MAP3K7CL: variants seen among roughly 807,000 people sequenced by gnomAD.
MAP3K7CL encodes MAP3K7 C-terminal-like protein.
In MAP3K7CL, 16 loss-of-function variants were observed where a neutral mutation model predicts 18.6. The observed-to-expected ratio is 0.86, with a 90% confidence interval of 0.58 to 1.31. MAP3K7CL has a LOEUF of 1.31. MAP3K7CL is among the 50% of genes most tolerant of loss of function. The probability of loss-of-function intolerance (pLI) is 0.00; values close to 1 mark genes in which losing one functional copy is unlikely to be tolerated. For synonymous variants in MAP3K7CL, 65 were observed against 66.8 expected (o/e 0.97, Z 0.13); for missense variants, 163 against 174.4 (o/e 0.93, Z 0.37).
intron 3 of MAP3K7CL, among the ~76,000 whole-genome samples, chr21:29,149,883 CA>C (rs2087229434): frequency 6.6e-6 from 1 of 152,102 alleles, no homozygotes; most frequent in African/African-American, 2.4e-5. Context: ...TGATTCCAGG[CA>C]AAAATGGCTT....
Position 29,093,948 on chromosome 21 carries a change from T to C in MAP3K7CL, c.370+1367T>C, listed in dbSNP as rs142148455. Reference sequence around the variant, plus strand: ...ATTACTGTGGGGAGCAAATGACTTATATGTGAAAGTGCTTTGTAAACTGTA... The same window carrying C: ...ATTACTGTGGGGAGCAAATGACTTACATGTGAAAGTGCTTTGTAAACTGTA... On this transcript the variant is annotated intron_variant, in intron 4 of 6. Coordinates refer to the MAP3K7CL transcript ENST00000286791. Among the ~76,000 whole-genome samples the C allele has an allele frequency of 7.3e-3, 1,115 of 152,366 alleles. 12 individuals are homozygous for C. The highest frequency in any genetic ancestry group is 0.025 in the African/African-American group (1,052 of 41,590).
At chr21:29,123,845 TTA>T (rs1282469295) in intron 4 of MAP3K7CL, among the ~76,000 whole-genome samples, 1 of 152,146 alleles carries the variant, frequency 6.6e-6, no homozygotes, top group Non-Finnish European at 1.5e-5. Context: ...GATGAGAAAT[TTA>T]TGTTTTCCTT....
At chr21:29,157,778 A>C (rs1056911084) in intron 3 of MAP3K7CL, among the ~76,000 whole-genome samples, 1 of 152,224 alleles carries the variant, frequency 6.6e-6, no homozygotes, top group Non-Finnish European at 1.5e-5. Flanking sequence ...AAAAATCATT[A>C]CAGGTGGTAA....
Position 29,160,064 on chromosome 21 carries a change from C to G in MAP3K7CL, c.248+8C>G. ...CCTGCTTGAGCAAAGGAAGTAAGTA[C>G]CTACCCCCCTCACTCTACATCTGAG... On this transcript the variant is annotated splice_region_variant and intron_variant, in intron 4 of 4. Transcript: ENST00000399928. 1 of 1,603,336 alleles carries G rather than the reference C, an allele frequency of 6.2e-7. No individual in the cohort carries two copies. The highest frequency in any genetic ancestry group is 1.1e-5 in the South Asian group (1 of 90,864).
intron 1 of MAP3K7CL, among the ~76,000 whole-genome samples, chr21:29,089,007 T>C (rs2085973310): frequency 6.6e-6 from 1 of 151,692 alleles, no homozygotes; most frequent in Non-Finnish European, 1.5e-5. Context: ...CCGTCTCTAC[T>C]AAAAATACAA....
At chr21:29,089,019 A>T (rs1188131812) in intron 1 of MAP3K7CL, among the ~76,000 whole-genome samples, 1 of 151,874 alleles carries the variant, frequency 6.6e-6, no homozygotes, top group Non-Finnish European at 1.5e-5. Context: ...AAAATACAAA[A>T]ATTAGCCAGA....
At chr21:29,146,184 G>GCT (rs1409924765) in intron 2 of MAP3K7CL, among the ~76,000 whole-genome samples, 2 of 152,100 alleles carry the variant, frequency 1.3e-5, no homozygotes, top group African/African-American at 4.8e-5. Context: ...TGTCTCAGCT[G>GCT]CTCTCATACT....
chr21:29,106,244 C>T (rs1324980732), intron 4 of MAP3K7CL, among the ~76,000 whole-genome samples: 1 of 151,986 alleles, frequency 6.6e-6, no homozygotes, highest in African/African-American at 2.4e-5. Context: ...TGGAGTACAG[C>T]GGCATGATCT....
In MAP3K7CL at chr21:29,091,179, C is replaced by A. The variant is rs376071388; in HGVS notation, c.58-322C>A. Among the ~76,000 whole-genome samples, 42 of 152,210 alleles carry A rather than the reference C, an allele frequency of 2.8e-4. No individual in the cohort carries two copies. In the East Asian group the frequency reaches 8.1e-3, roughly 29 times the overall value. ...CATCTATATACATTCCTTTTTCATT[C>A]ACAATTTCTCCATCCCTAACCAAAC... On this transcript the variant is annotated intron_variant, in intron 1 of 6. Coordinates refer to the MAP3K7CL transcript ENST00000286791.
chr21:29,168,974 G>A (rs2087757422), intron 4 of MAP3K7CL, among the ~76,000 whole-genome samples: 1 of 152,148 alleles, frequency 6.6e-6, no homozygotes, highest in African/African-American at 2.4e-5. Context: ...GATTGATAGT[G>A]GGAATCTCCA....
upstream of MAP3K7CL, among the ~76,000 whole-genome samples, chr21:29,082,088 A>G (rs1433449362): frequency 1.3e-5 from 2 of 152,188 alleles, no homozygotes; most frequent in South Asian, 2.1e-4. Context: ...TTTGTTTTAT[A>G]ATATAATATT....
At chr21:29,082,162 T>G (rs939120920), upstream of MAP3K7CL, among the ~76,000 whole-genome samples, 3 of 152,224 alleles carry the variant, frequency 2.0e-5, no homozygotes, top group Admixed American at 6.5e-5. Context: ...ATAAGTATTC[T>G]CTACTAATAT....
upstream of MAP3K7CL, chr21:29,127,914 T>C (rs1253061756): frequency 6.6e-6 from 1 of 152,254 alleles, no homozygotes; most frequent in Non-Finnish European, 1.5e-5. Context: ...TGTCTCTTTC[T>C]ATCTCTGTAT....
chr21:29,151,715 G>A (rs1449999386), intron 3 of MAP3K7CL, among the ~76,000 whole-genome samples: 1 of 152,076 alleles, frequency 6.6e-6, no homozygotes. Context: ...CTTTTTTTGT[G>A]TTGGAACAAC....
chr21:29,098,287 A>T (rs940443699), intron 4 of MAP3K7CL, among the ~76,000 whole-genome samples: 1 of 152,146 alleles, frequency 6.6e-6, no homozygotes, highest in East Asian at 1.9e-4. Flanking sequence ...TGTCAACTCT[A>T]TGTTTAAGAT....
chr21:29,105,756 G>A (rs62222394), intron 4 of MAP3K7CL, among the ~76,000 whole-genome samples: 4,500 of 152,232 alleles, frequency 0.03, 104 homozygotes, highest in Middle Eastern at 0.099. Context: ...ACATTCAAGA[G>A]CGTTTTAAAT....
chr21:29,138,977 C>T (rs116120975), intron 2 of MAP3K7CL, among the ~76,000 whole-genome samples: 8 of 152,084 alleles, frequency 5.3e-5, no homozygotes, highest in Admixed American at 2.0e-4. Flanking sequence ...AAAAGAAATT[C>T]TTTCAAGCTG....
upstream of MAP3K7CL, among the ~76,000 whole-genome samples, chr21:29,083,152 C>T (rs7280547): frequency 0.18 from 27,798 of 152,038 alleles, 2,799 homozygotes; most frequent in South Asian, 0.23. Context: ...GGCAATTCCT[C>T]AATTTTCTTG....
intron 1 of MAP3K7CL, among the ~76,000 whole-genome samples, chr21:29,087,676 C>A (rs543956095): frequency 6.7e-6 from 1 of 150,188 alleles, no homozygotes; most frequent in South Asian, 2.1e-4. Flanking sequence ...TCACTGCAAG[C>A]TCCGCCTCCG....
Sources: allele counts gnomAD v4.1 joint callset (sites outside exome capture counted in the v4.1 genomes callset), GRCh38; gene constraint gnomAD v4.1.1; transcripts MANE v1.5; gene names NCBI Gene and HGNC (gene_info 2026-07-23, HGNC 2026-07-21).